The following PAX2 variants were observed in gnomAD, a reference collection of about 807,000 sequenced individuals.
PAX2 encodes the protein paired box 2.
A neutral mutation model predicts 41.7 loss-of-function variants in PAX2; 9 were observed. That is an observed-to-expected ratio of 0.22 (90% CI 0.13 to 0.38). PAX2 has a LOEUF of 0.38. PAX2 is among the 10% of genes least tolerant of loss of function. PAX2 has a pLI of 1.00. For synonymous variants in PAX2, 221 were observed against 212.7 expected, an observed-to-expected ratio of 1.04 and a Z score of -0.34; for missense variants, 418 against 531.6, an observed-to-expected ratio of 0.79 and a Z score of 2.10.
At chr10:100,818,233 T>G (rs1392089423) in intron 7 of PAX2, among the ~76,000 whole-genome samples, 1 of 152,238 alleles carries the variant, frequency 6.6e-6, no homozygotes, top group Non-Finnish European at 1.5e-5. Flanking sequence ...ATCTCTGAAC[T>G]CCTCGATAGA....
intron 3 of PAX2, among the ~76,000 whole-genome samples, chr10:100,769,492 G>C (rs1486014621): frequency 6.6e-6 from 1 of 151,972 alleles, no homozygotes; most frequent in Non-Finnish European, 1.5e-5. Flanking sequence ...GCTGGGCGTG[G>C]TGGTGTGCAC....
exon 1 of PAX2, chr10:100,735,578 G>C (rs1011842075): frequency 2.3e-5 from 17 of 737,694 alleles, no homozygotes; most frequent in Middle Eastern, 5.7e-4. Flanking sequence ...TATCTGAGCC[G>C]CTTGGTGTTG....
intron 3 of PAX2, among the ~76,000 whole-genome samples, chr10:100,761,323 C>T (rs764086399): frequency 5.9e-5 from 9 of 152,080 alleles, no homozygotes; most frequent in Non-Finnish European, 1.0e-4. Context: ...CACCTGCGCT[C>T]TCGACCCTCC....
chr10:100,769,488 C>T (rs981469419), intron 3 of PAX2, among the ~76,000 whole-genome samples: 13 of 151,836 alleles, frequency 8.6e-5, no homozygotes, highest in East Asian at 1.9e-4. Flanking sequence ...ATGAGCTGGG[C>T]GTGGTGGTGT....
rs1434007469 is a variant in PAX2 at position 100,748,077 on chromosome 10, G to A, written c.44-1669G>A. On this transcript the variant is annotated intron_variant, in intron 1 of 9. Coordinates refer to ENST00000355243, the MANE Select transcript of PAX2 (RefSeq NM_000278.5). This position sits in a 1 kb window ranked among gnomAD's most constrained non-coding sequence, Gnocchi z 5.0. ...GGCGGCCGTGGCGCATTCCAGGCCC[G>A]ACTCAGCGCCGACTCGCTGCAGTCC... is the stretch of plus-strand genomic sequence containing the variant. 1 of 984,878 alleles carries A rather than the reference G, an allele frequency of 1.0e-6. No homozygotes were observed. The highest frequency in any genetic ancestry group is 1.2e-6 in the Non-Finnish European group (1 of 829,868). 61.0% of individuals were successfully genotyped at this position (984,878 alleles called of 1,614,324 possible).
At chr10:100,804,543 G>A (rs1190059603) in intron 5 of PAX2, among the ~76,000 whole-genome samples, 1 of 152,148 alleles carries the variant, frequency 6.6e-6, no homozygotes, top group Non-Finnish European at 1.5e-5. Context: ...CACGCAAATA[G>A]CTACAGGGAG....
At chr10:100,757,968 G>A (rs891568134) in intron 3 of PAX2, among the ~76,000 whole-genome samples, 1 of 152,176 alleles carries the variant, frequency 6.6e-6, no homozygotes, top group Non-Finnish European at 1.5e-5. Flanking sequence ...GTAGACAGGC[G>A]AGGCCGTAGA....
Position 100,828,019 on chromosome 10 carries a change from A to G in PAX2, c.*400A>G, listed in dbSNP as rs1260180777. 2 of 262,176 alleles carry G rather than the reference A, an allele frequency of 7.6e-6. No homozygotes were observed. Among genetic ancestry groups the G allele is most frequent in the Non-Finnish European group, 1.4e-5 (2 of 139,914 alleles). 16.2% of individuals were successfully genotyped at this position (262,176 alleles called of 1,614,324 possible). On this transcript the variant is annotated 3_prime_UTR_variant, in exon 10 of 10. Coordinates refer to ENST00000355243, the MANE Select transcript of PAX2 (RefSeq NM_000278.5). The surrounding 1 kb of genome is among the most constrained non-coding windows in gnomAD (Gnocchi z 6.5). ...GCGCCGGATGTTTCTGTGACACACA[A>G]TCAGCGCGGACCGCAGCGCGGCCCA...
At chr10:100,811,794 A>C (rs567269634) in intron 7 of PAX2, among the ~76,000 whole-genome samples, 1 of 152,318 alleles carries the variant, frequency 6.6e-6, no homozygotes, top group South Asian at 2.1e-4. Context: ...AGCCTGGCTT[A>C]GGAGTGCCGA....
At position 100,809,211 on chromosome 10, in the gene PAX2, C is replaced by CACACAG; in HGVS notation, c.898_903dup (p.Gln300_Thr301dup). On this transcript the variant is annotated inframe_insertion, in exon 7 of 10. Transcript: ENST00000355243. The stretch of plus-strand genomic sequence containing the variant: ...CTGAGCTGGGCAGCAACGTGTCAGG[C>CACACAG]ACACAGACATACCCAGTTGTGACTG... 6.2e-7 allele frequency: 1 copy of CACACAG among 1,613,828 alleles called. No individual in the cohort carries two copies. The highest frequency in any genetic ancestry group is 2.2e-5 in the East Asian group (1 of 44,878).
At chr10:100,763,350 G>GT (rs1266111406) in intron 3 of PAX2, among the ~76,000 whole-genome samples, 5 of 152,192 alleles carry the variant, frequency 3.3e-5, no homozygotes, top group Non-Finnish European at 5.9e-5. Flanking sequence ...GAATTTCTCA[G>GT]TTTTTTATCC....
At position 100,827,439 on chromosome 10, in the gene PAX2, G is replaced by A. The variant is rs892338538; in HGVS notation, c.1109-104G>A. ...GCCAAGGTCTCCCAGTCCGGATCCCGCTGGACCCCAGCCAGGGGAGGTCTT... is the reference window on the plus strand; with the variant it reads ...GCCAAGGTCTCCCAGTCCGGATCCCACTGGACCCCAGCCAGGGGAGGTCTT... On this transcript the variant is annotated intron_variant, in intron 9 of 9. Coordinates refer to ENST00000355243, the MANE Select transcript of PAX2 (RefSeq NM_000278.5). This position sits in a 1 kb window ranked among gnomAD's most constrained non-coding sequence, Gnocchi z 8.5. 4 of 1,204,332 alleles carry A rather than the reference G, an allele frequency of 3.3e-6. No individual in the cohort carries two copies. Among genetic ancestry groups the A allele is most frequent in the Non-Finnish European group, 2.5e-6 (2 of 811,368 alleles). The allele number at this position is 1,204,332 out of a possible 1,614,324, so 74.6% of individuals were successfully genotyped here. A position where few individuals can be genotyped will look rare whatever the true frequency, so the allele number is the denominator to read the frequency against.
chr10:100,801,679 C>T (rs1389608778), intron 5 of PAX2, among the ~76,000 whole-genome samples: 1 of 152,234 alleles, frequency 6.6e-6, no homozygotes, highest in Non-Finnish European at 1.5e-5. Flanking sequence ...ACCTGTGCCA[C>T]AGGCTGTAGC....
intron 3 of PAX2, among the ~76,000 whole-genome samples, chr10:100,773,494 T>C (rs1846282264): frequency 6.6e-6 from 1 of 152,142 alleles, no homozygotes; most frequent in Non-Finnish European, 1.5e-5. Flanking sequence ...ATACATAACA[T>C]AACATAATAT....
chr10:100,775,246 G>A (rs956614401), intron 3 of PAX2, among the ~76,000 whole-genome samples: 1 of 152,176 alleles, frequency 6.6e-6, no homozygotes, highest in Non-Finnish European at 1.5e-5. Flanking sequence ...AGAAAGAGGA[G>A]GAGGAACATG....
Position 100,748,929 on chromosome 10 carries a change from C to T in PAX2, c.44-817C>T. ...GACGGTGGGCCCCAACCAGGCTCTG[C>T]GAGGCGCGGCAGGCAGGCGAGCCCA... On this transcript the variant is annotated intron_variant, in intron 1 of 9. Coordinates refer to ENST00000355243, the MANE Select transcript of PAX2 (RefSeq NM_000278.5). The surrounding 1 kb of genome is among the most constrained non-coding windows in gnomAD (Gnocchi z 5.0). The T allele has an allele frequency of 3.0e-6, 3 of 985,350 alleles. No homozygotes were observed. The highest frequency in any genetic ancestry group is 1.1e-4 in the East Asian group (1 of 8,784). The allele number at this position is 985,350 out of a possible 1,614,324, so 61.0% of individuals were successfully genotyped here. A position where few individuals can be genotyped will look rare whatever the true frequency, so the allele number is the denominator to read the frequency against.
chr10:100,825,189 C>G (rs1167630359), intron 8 of PAX2, among the ~76,000 whole-genome samples: 1 of 152,168 alleles, frequency 6.6e-6, no homozygotes, highest in African/African-American at 2.4e-5. Context: ...CTGGTCCACA[C>G]CAAGACACAA....
chr10:100,747,836 C>G, intron 1 of PAX2: 1 of 985,102 alleles, frequency 1.0e-6, no homozygotes, highest in Non-Finnish European at 1.2e-6. Context: ...GCCGTTTTCG[C>G]CCAGCCAGCC....
At chr10:100,787,461 C>A (rs1215586600) in intron 5 of PAX2, among the ~76,000 whole-genome samples, 1 of 151,848 alleles carries the variant, frequency 6.6e-6, no homozygotes, top group African/African-American at 2.4e-5. Context: ...GTGGGAGGGC[C>A]GGATAAGGCA....
Sources: gnomAD v4.1 joint callset for allele counts (sites outside exome capture counted in the v4.1 genomes callset) on GRCh38, gnomAD v4.1.1 for gene constraint, Gnocchi (gnomAD v3.1) non-coding constraint, MANE v1.5 for transcripts, NCBI Gene and HGNC (gene_info 2026-07-23, HGNC 2026-07-21) for gene names.